TUSC3: variants seen among roughly 807,000 people sequenced by gnomAD.
The protein encoded by TUSC3 is dolichyl-diphosphooligosaccharide--protein glycosyltransferase subunit TUSC3.
Under a neutral mutation model 44.8 loss-of-function variants are expected in TUSC3, and 45 were observed. The ratio of observed to expected loss-of-function variants is 1.00; its 90% CI spans 0.79 to 1.29. The LOEUF is 1.29. TUSC3 is among the 50% of genes most tolerant of loss of function. The pLI, the probability that TUSC3 is intolerant of heterozygous loss-of-function variation, is 0.00. For missense variants in TUSC3, 519 were observed against 437.9 expected (o/e 1.19, Z -1.65); for synonymous variants, 212 against 152.9 (o/e 1.39, Z -2.85).
rs550619541 is a variant in TUSC3, at chr8:15,527,873, A to G, written n.189+44390A>G. 2.0e-5 allele frequency among the ~76,000 whole-genome samples: 3 copies of G among 152,212 alleles called. No individual in the cohort carries two copies. The South Asian group carries it at 6.2e-4, about 32-fold the overall frequency. On this transcript the variant is annotated intron_variant and non_coding_transcript_variant, in intron 2 of 5. Transcript: ENST00000503191. ...TATACATTCTCCTCTTCCTCTAGCCATATTCACTTATATACACTTTTTAAT... is the reference window on the plus strand; with the variant it reads ...TATACATTCTCCTCTTCCTCTAGCCGTATTCACTTATATACACTTTTTAAT...
At chr8:15,476,748 T>A (rs1585058830) in intron 1 of TUSC3, among the ~76,000 whole-genome samples, 1 of 152,166 alleles carries the variant, frequency 6.6e-6, no homozygotes, top group African/African-American at 2.4e-5. Flanking sequence ...GGTTACAGAA[T>A]TTTCTGGGGT....
chr8:15,517,606 T>A (rs1024272682), intron 2 of TUSC3, among the ~76,000 whole-genome samples: 7 of 145,802 alleles, frequency 4.8e-5, no homozygotes, highest in African/African-American at 1.8e-4. Flanking sequence ...ATGAGTGTAC[T>A]TCCTGGAAAA....
At chr8:15,519,947 A>C (rs17121595) in intron 2 of TUSC3, among the ~76,000 whole-genome samples, 5,062 of 152,264 alleles carry the variant, frequency 0.033, 255 homozygotes, top group African/African-American at 0.11. Context: ...GAGAGATTGG[A>C]GGGACCTATG....
intron 1 of TUSC3, among the ~76,000 whole-genome samples, chr8:15,543,000 C>A (rs1233369661): frequency 6.6e-6 from 1 of 152,180 alleles, no homozygotes; most frequent in Non-Finnish European, 1.5e-5. Context: ...ACAGGCCATT[C>A]CGTATCTGGT....
the TUSC3 span, among the ~76,000 whole-genome samples, chr8:15,829,745 CTATTTAA>C: frequency 6.6e-6 from 1 of 151,886 alleles, no homozygotes; most frequent in Admixed American, 6.6e-5. Context: ...TTTCTTAAAA[CTATTTAA>C]TATTTAATTA....
At chr8:15,782,398 G>T in the TUSC3 span, among the ~76,000 whole-genome samples, 2 of 152,014 alleles carry the variant, frequency 1.3e-5, no homozygotes, top group African/African-American at 2.4e-5. Context: ...AGAATCAGTT[G>T]GGCTCAGGAA....
At chr8:15,633,304 C>G (rs1805906517) in intron 2 of TUSC3, among the ~76,000 whole-genome samples, 2 of 152,258 alleles carry the variant, frequency 1.3e-5, no homozygotes, top group Middle Eastern at 3.4e-3. Flanking sequence ...TCCATAGCAA[C>G]TCAGTGAGTT....
intron 6 of TUSC3, among the ~76,000 whole-genome samples, chr8:15,690,314 A>G (rs893102777): frequency 6.6e-6 from 1 of 151,628 alleles, no homozygotes; most frequent in African/African-American, 2.4e-5. Flanking sequence ...TCTGCTTTTG[A>G]AAAGTGTCGG....
At chr8:15,834,852 G>A in the TUSC3 span, among the ~76,000 whole-genome samples, 1 of 152,092 alleles carries the variant, frequency 6.6e-6, no homozygotes, top group East Asian at 1.9e-4. Flanking sequence ...TTATTTATAA[G>A]CAGATTTTTA....
At chr8:15,554,163 A>AG (rs35585646) in intron 1 of TUSC3, among the ~76,000 whole-genome samples, 124,255 of 151,400 alleles carry the variant, frequency 0.82, 51,887 homozygotes, top group Non-Finnish European at 0.87. Context: ...ATCTCTTCAA[A>AG]CCCCACCTTC....
intron 2 of TUSC3, among the ~76,000 whole-genome samples, chr8:15,632,302 A>G (rs1488872605): frequency 6.6e-6 from 1 of 152,052 alleles, no homozygotes; most frequent in Non-Finnish European, 1.5e-5. Flanking sequence ...TGCCTTTTAT[A>G]GTGTCCCATG....
intron 1 of TUSC3, among the ~76,000 whole-genome samples, chr8:15,434,347 TTG>T (rs1478135114): frequency 1.3e-5 from 2 of 152,192 alleles, no homozygotes; most frequent in Non-Finnish European, 2.9e-5. Flanking sequence ...TACAAATTCT[TTG>T]TCAGATACAT....
chr8:15,709,618 G>GAT (rs1809757822), intron 6 of TUSC3, among the ~76,000 whole-genome samples: 4 of 151,660 alleles, frequency 2.6e-5, no homozygotes. Context: ...TGGATGATGA[G>GAT]GAGGAGGATG....
At chr8:15,819,037 A>G in the TUSC3 span, among the ~76,000 whole-genome samples, 1 of 152,078 alleles carries the variant, frequency 6.6e-6, no homozygotes, top group Non-Finnish European at 1.5e-5. Flanking sequence ...CAGCCTGGGC[A>G]ACAGAGTGAG....
chr8:15,504,362 C>G (rs1022018098), intron 2 of TUSC3, among the ~76,000 whole-genome samples: 43 of 151,808 alleles, frequency 2.8e-4, no homozygotes, highest in African/African-American at 9.7e-4. Flanking sequence ...ATAAATTAGT[C>G]CATTAAACTA....
intron 2 of TUSC3, among the ~76,000 whole-genome samples, chr8:15,631,107 G>C (rs1864235): frequency 0.54 from 81,343 of 152,006 alleles, 21,967 homozygotes; most frequent in East Asian, 0.64. Flanking sequence ...GACTGGGGAA[G>C]TGTCATGCCT....
chr8:15,482,161 T>C (rs1055741844), intron 1 of TUSC3, among the ~76,000 whole-genome samples: 2 of 152,216 alleles, frequency 1.3e-5, no homozygotes, highest in African/African-American at 4.8e-5. Context: ...AGTTTTACCA[T>C]GAGATTGCAG....
intron 1 of TUSC3, among the ~76,000 whole-genome samples, chr8:15,445,509 G>A (rs1800084332): frequency 6.6e-6 from 1 of 152,004 alleles, no homozygotes; most frequent in Non-Finnish European, 1.5e-5. Flanking sequence ...ATTAGGGAGT[G>A]GTGATGACTC....
At chr8:15,437,937 C>A (rs182888250) in intron 1 of TUSC3, among the ~76,000 whole-genome samples, 1 of 152,134 alleles carries the variant, frequency 6.6e-6, no homozygotes, top group Non-Finnish European at 1.5e-5. Context: ...CCAAAGTGGT[C>A]GTATGAGAAG....
Sources: gnomAD v4.1 joint callset for allele counts (sites outside exome capture counted in the v4.1 genomes callset) on GRCh38, gnomAD v4.1.1 for gene constraint, MANE v1.5 for transcripts, NCBI Gene and HGNC (gene_info 2026-07-23, HGNC 2026-07-21) for gene names.